CIMIP5: variants seen among roughly 807,000 people sequenced by gnomAD.
CIMIP5 encodes the protein ciliary microtubule inner protein 5.
the CIMIP5 span, among the ~76,000 whole-genome samples, chr2:11,141,719 A>G: frequency 6.6e-6 from 1 of 152,202 alleles, no homozygotes; most frequent in South Asian, 2.1e-4. Context: ...ATGGTGGCCC[A>G]TGCCTGTACT....
the CIMIP5 span, among the ~76,000 whole-genome samples, chr2:11,147,738 G>A: frequency 2.6e-5 from 4 of 152,124 alleles, no homozygotes; most frequent in East Asian, 5.8e-4. Context: ...CTGTCATCAC[G>A]CCAAATCCCT....
At chr2:11,133,311 C>T in the CIMIP5 span, 1 of 1,081,750 alleles carries the variant, frequency 9.2e-7, no homozygotes, top group East Asian at 3.5e-5. Context: ...GACACAAGCG[C>T]ACACACACAC....
the CIMIP5 span, among the ~76,000 whole-genome samples, chr2:11,147,864 G>A: frequency 6.6e-6 from 1 of 152,164 alleles, no homozygotes; most frequent in African/African-American, 2.4e-5. Flanking sequence ...CCAGGACAGA[G>A]GGGCATCTGC....
the CIMIP5 span, among the ~76,000 whole-genome samples, chr2:11,148,802 C>G: frequency 7.6e-6 from 1 of 130,800 alleles, no homozygotes; most frequent in Admixed American, 8.8e-5. Context: ...ATAGTGCGAT[C>G]TCGCTCACTG....
chr2:11,140,399 T>A, the CIMIP5 span: 2 of 575,996 alleles, frequency 3.5e-6, no homozygotes, highest in Admixed American at 3.5e-5. Context: ...AAAAAAAAAA[T>A]TATTTAGTTC....
the CIMIP5 span, among the ~76,000 whole-genome samples, chr2:11,154,119 GGCACGCGCCACCAC>G: frequency 2.6e-5 from 4 of 152,042 alleles, no homozygotes; most frequent in Non-Finnish European, 5.9e-5. Context: ...TGGGACCACA[GGCACGCGCCACCAC>G]GCTCGGCTAA....
chr2:11,147,244 C>T, the CIMIP5 span, among the ~76,000 whole-genome samples: 25 of 152,180 alleles, frequency 1.6e-4, no homozygotes, highest in African/African-American at 6.0e-4. Context: ...GGTCTCACAA[C>T]TAGTGAAGAG....
At chr2:11,143,867 A>G in the CIMIP5 span, 6 of 1,431,728 alleles carry the variant, frequency 4.2e-6, no homozygotes, top group African/African-American at 5.7e-5. Flanking sequence ...CTCCCATTCT[A>G]AGGTCCTCCT....
chr2:11,144,853 C>T, the CIMIP5 span: 1 of 149,644 alleles, frequency 6.7e-6, no homozygotes, highest in Non-Finnish European at 1.5e-5. Context: ...CTTACTCTGT[C>T]ACCTAGGCTA....
the CIMIP5 span, chr2:11,145,961 T>C: frequency 1.3e-5 from 2 of 152,174 alleles, no homozygotes; most frequent in African/African-American, 2.4e-5. Flanking sequence ...AGGCAGGGAT[T>C]TCGTATTCAT....
At chr2:11,139,557 AC>A in the CIMIP5 span, among the ~76,000 whole-genome samples, 1 of 152,156 alleles carries the variant, frequency 6.6e-6, no homozygotes, top group Non-Finnish European at 1.5e-5. Context: ...TTGGAAAGTT[AC>A]AAAGGTTTGG....
the CIMIP5 span, among the ~76,000 whole-genome samples, chr2:11,139,161 A>T: frequency 6.6e-6 from 1 of 151,998 alleles, no homozygotes; most frequent in East Asian, 1.9e-4. Context: ...CAGGTGATCC[A>T]CCCACCTTAG....
the CIMIP5 span, among the ~76,000 whole-genome samples, chr2:11,147,889 G>A: frequency 3.9e-5 from 6 of 152,176 alleles, no homozygotes; most frequent in African/African-American, 1.4e-4. Context: ...AAGTCCCAAG[G>A]CCAGCCTTTC....
chr2:11,153,977 TATTA>T, the CIMIP5 span, among the ~76,000 whole-genome samples: 4 of 151,390 alleles, frequency 2.6e-5, no homozygotes, highest in African/African-American at 7.3e-5. Flanking sequence ...TTTATATACA[TATTA>T]TTTATTTATT....
chr2:11,142,123 G>A, the CIMIP5 span, among the ~76,000 whole-genome samples: 74,212 of 151,896 alleles, frequency 0.49, 22,078 homozygotes, highest in Non-Finnish European at 0.66. Flanking sequence ...AAAATTAGCC[G>A]GGTGTGCTGG....
the CIMIP5 span, among the ~76,000 whole-genome samples, chr2:11,142,794 A>G: frequency 0.012 from 1,605 of 139,146 alleles, 33 homozygotes; most frequent in African/African-American, 0.042. Flanking sequence ...ATCATGGCTC[A>G]CTGCAGCCTC....
the CIMIP5 span, among the ~76,000 whole-genome samples, chr2:11,152,649 G>C: frequency 1.8e-4 from 28 of 152,074 alleles, no homozygotes; most frequent in Non-Finnish European, 4.1e-4. Context: ...TCTCTAACAT[G>C]GGGGCACTAT....
At chr2:11,141,153 G>T in the CIMIP5 span, among the ~76,000 whole-genome samples, 1 of 132,434 alleles carries the variant, frequency 7.6e-6, no homozygotes, top group African/African-American at 3.0e-5. Context: ...TTTTGAGATG[G>T]AGTCTTGCTC....
chr2:11,136,525 G>T, the CIMIP5 span, among the ~76,000 whole-genome samples: 4 of 152,140 alleles, frequency 2.6e-5, no homozygotes, highest in African/African-American at 9.7e-5. Context: ...CCAGGAGGTA[G>T]TTGAGTGTGA....
Sources: gnomAD v4.1 joint callset for allele counts (sites outside exome capture counted in the v4.1 genomes callset) on GRCh38, gnomAD v4.1.1 for gene constraint, MANE v1.5 for transcripts, NCBI Gene and HGNC (gene_info 2026-07-23, HGNC 2026-07-21) for gene names.